ADAM12: variants seen among roughly 807,000 people sequenced by gnomAD.
ADAM12 encodes disintegrin and metalloproteinase domain-containing protein 12.
A neutral mutation model predicts 106.4 loss-of-function variants in ADAM12; 70 were observed. The ratio of observed to expected loss-of-function variants is 0.66; its 90% CI spans 0.54 to 0.80. The LOEUF is 0.80. ADAM12 is among the 30% of genes least tolerant of loss of function. The pLI is 0.00. For synonymous variants in ADAM12, 420 were observed against 433.5 expected, an observed-to-expected ratio of 0.97 and a Z score of 0.39; for missense variants, 1,010 against 1,171.9, an observed-to-expected ratio of 0.86 and a Z score of 2.02.
intron 1 of ADAM12, among the ~76,000 whole-genome samples, chr10:126,378,343 C>A (rs1856366770): frequency 6.6e-6 from 1 of 152,180 alleles, no homozygotes; most frequent in South Asian, 2.1e-4. Context: ...AGGATCCTCT[C>A]ACCATTGCAA....
chr10:126,367,480 A>C (rs1021198421), intron 1 of ADAM12, among the ~76,000 whole-genome samples: 7 of 151,962 alleles, frequency 4.6e-5, no homozygotes, highest in African/African-American at 1.7e-4. Context: ...TGTTATGTTA[A>C]TATTCTAAGT....
chr10:126,290,699 A>G (rs1565194340), intron 2 of ADAM12, among the ~76,000 whole-genome samples: 1 of 152,218 alleles, frequency 6.6e-6, no homozygotes, highest in Non-Finnish European at 1.5e-5. Flanking sequence ...ATGACGCTTC[A>G]AAAATTTTTC....
intron 2 of ADAM12, among the ~76,000 whole-genome samples, chr10:126,296,711 G>T (rs929430395): frequency 4.6e-5 from 7 of 152,146 alleles, no homozygotes; most frequent in Non-Finnish European, 5.9e-5. Context: ...TACCTTCAAG[G>T]TCTACAAATC....
intron 7 of ADAM12, 131 bp from the exon 8 acceptor site, chr10:126,108,795 T>C: frequency 1.3e-6 from 1 of 775,566 alleles, no homozygotes; most frequent in Non-Finnish European, 2.1e-6. Flanking sequence ...CACGGTAAAA[T>C]GAGCTTGCAT....
intron 3 of ADAM12, among the ~76,000 whole-genome samples, chr10:126,157,805 C>T (rs1204129248): frequency 2.6e-5 from 4 of 151,392 alleles, no homozygotes; most frequent in African/African-American, 7.3e-5. Context: ...GCTGCCTGGG[C>T]AGGCTCATTC....
At chr10:126,164,882 T>TA (rs768614008) in intron 3 of ADAM12, among the ~76,000 whole-genome samples, 2 of 152,208 alleles carry the variant, frequency 1.3e-5, no homozygotes, top group Non-Finnish European at 2.9e-5. Context: ...TACTGAGGTA[T>TA]AAAATAAGAG....
At chr10:126,135,312 G>T (rs1269564595) in intron 5 of ADAM12, 5 of 432,920 alleles carry the variant, frequency 1.2e-5, no homozygotes, top group African/African-American at 9.8e-5. Flanking sequence ...ATGCTTGGAT[G>T]TAGAAACTCA....
rs1953733257 is a variant in ADAM12, at chr10:126,019,971, ATCT to A, written c.2530-149_2530-147del. ...GGTGGGTGGAGGCTGACCTCTGTTA[ATCT>A]TCTTGCCAAAATTTTCTGTAACATT... On this transcript the variant is annotated intron_variant, in intron 21 of 22. Coordinates refer to ENST00000448723, the MANE Select transcript of ADAM12 (RefSeq NM_001288973.2). 1.8e-5 allele frequency: 18 copies of A among 987,162 alleles called. No homozygotes were observed. In the South Asian group the frequency reaches 2.9e-4, roughly 16 times the overall value. 61.2% of individuals were successfully genotyped at this position (987,162 alleles called of 1,614,324 possible).
intron 3 of ADAM12, among the ~76,000 whole-genome samples, chr10:126,203,939 C>T (rs558606465): frequency 7.2e-4 from 108 of 150,266 alleles, no homozygotes; most frequent in Middle Eastern, 3.4e-3. Flanking sequence ...CGCGCGCGCG[C>T]GTGTGTGTGT....
intron 3 of ADAM12, among the ~76,000 whole-genome samples, chr10:126,271,386 A>G (rs1193926018): frequency 2.0e-5 from 3 of 152,228 alleles, no homozygotes; most frequent in Non-Finnish European, 2.9e-5. Context: ...GGCTCAAGCC[A>G]TCATCAGCTC....
chr10:126,053,375 C>G lies in ADAM12; in HGVS notation c.1610-3706G>C, dbSNP rs1396322775. 1.3e-5 allele frequency among the ~76,000 whole-genome samples: 2 copies of G among 152,162 alleles called. No homozygotes were observed. Among genetic ancestry groups the G allele is most frequent in the Non-Finnish European group, 2.9e-5 (2 of 68,026 alleles). ...TGCCCCAAATGCTGGTGGAGCAGCA[C>G]AGCTCAGAAAACCAGGTGTGTGTAA... is the stretch of plus-strand genomic sequence containing the variant. On this transcript the variant is annotated intron_variant, in intron 14 of 22. Transcript: ENST00000448723. This position sits in a 1 kb window ranked among gnomAD's most constrained non-coding sequence, Gnocchi z 4.6.
intron 18 of ADAM12, chr10:126,041,854 A>G (rs1353882343): frequency 7.9e-7 from 1 of 1,272,706 alleles, no homozygotes; most frequent in East Asian, 3.5e-5. Context: ...GGGGCCTGCC[A>G]GAGTGGTAAC....
At chr10:126,350,126 C>T (rs928221528) in intron 1 of ADAM12, among the ~76,000 whole-genome samples, 7 of 152,086 alleles carry the variant, frequency 4.6e-5, no homozygotes, top group African/African-American at 1.7e-4. Flanking sequence ...TCTCCCTGTC[C>T]CCAAGAAGAA....
At chr10:126,332,778 G>A (rs1854567163) in intron 1 of ADAM12, among the ~76,000 whole-genome samples, 1 of 152,156 alleles carries the variant, frequency 6.6e-6, no homozygotes, top group South Asian at 2.1e-4. Flanking sequence ...GATGTGTGAG[G>A]GACGCATCGG....
intron 3 of ADAM12, among the ~76,000 whole-genome samples, chr10:126,270,757 T>C (rs576947372): frequency 6.6e-6 from 1 of 152,128 alleles, no homozygotes; most frequent in South Asian, 2.1e-4. Context: ...CAGGAGTCCA[T>C]GTGTGAGCTC....
intron 1 of ADAM12, among the ~76,000 whole-genome samples, chr10:126,351,126 A>AG (rs752749306): frequency 2.2e-4 from 33 of 152,196 alleles, no homozygotes; most frequent in Admixed American, 3.3e-4. Context: ...CAGTGCCCTC[A>AG]GCCCGGAGGC....
Position 126,015,962 on chromosome 10 carries a change from T to A in ADAM12, c.*1317A>T, listed in dbSNP as rs995488233. The A allele has an allele frequency of 6.6e-6, 1 of 152,188 alleles. No individual in the cohort carries two copies. The highest frequency in any genetic ancestry group is 2.4e-5 in the African/African-American group (1 of 41,434). The allele number at this position is 152,188 out of a possible 1,614,324, so 9.4% of individuals were successfully genotyped here. On this transcript the variant is annotated 3_prime_UTR_variant, in exon 23 of 23. Coordinates refer to ENST00000448723, the MANE Select transcript of ADAM12 (RefSeq NM_001288973.2). The stretch of plus-strand genomic sequence containing the variant: ...CAAGGGGATGCTGCCCAAGCCAGCA[T>A]CTCATAATATTTAGGAAGTTGATAA...
intron 2 of ADAM12, among the ~76,000 whole-genome samples, chr10:126,284,674 G>T (rs1424169982): frequency 6.6e-6 from 1 of 152,134 alleles, no homozygotes; most frequent in East Asian, 1.9e-4. Context: ...AGGCTCGAGC[G>T]ATCACGGATG....
intron 11 of ADAM12, among the ~76,000 whole-genome samples, chr10:126,073,439 G>T (rs1352866397): frequency 6.6e-6 from 1 of 152,070 alleles, no homozygotes; most frequent in Non-Finnish European, 1.5e-5. Context: ...ACATGGGCAG[G>T]TTTGTTATGT....
Sources: gnomAD v4.1 joint callset for allele counts (sites outside exome capture counted in the v4.1 genomes callset) on GRCh38, gnomAD v4.1.1 for gene constraint, Gnocchi (gnomAD v3.1) non-coding constraint, MANE v1.5 for transcripts, NCBI Gene and HGNC (gene_info 2026-07-23, HGNC 2026-07-21) for gene names.